Variants in PTP4A3 observed in about 807,000 individuals in gnomAD.
The protein encoded by PTP4A3 is protein tyrosine phosphatase 4A3.
PTP4A3 carries 9 observed loss-of-function variants against 15.2 expected under a neutral mutation model. That is an observed-to-expected ratio of 0.59 (90% CI 0.36 to 1.03). The LOEUF (loss-of-function observed/expected upper bound fraction) is 1.03, where lower values mean the gene tolerates loss of function less well. Among genes scored for constraint, PTP4A3 ranks in the 50% least tolerant of loss-of-function variants. The pLI, the probability that PTP4A3 is intolerant of heterozygous loss-of-function variation, is 0.02. For synonymous variants in PTP4A3, 95 were observed against 102.0 expected (o/e 0.93, Z 0.41); for missense variants, 234 against 252.1 (o/e 0.93, Z 0.49).
At chr8:141,428,881 C>T (rs1358344189) in intron 5 of PTP4A3, among the ~76,000 whole-genome samples, 1 of 152,226 alleles carries the variant, frequency 6.6e-6, no homozygotes, top group Non-Finnish European at 1.5e-5. Flanking sequence ...CACATGGATG[C>T]ACTCAGGCAT....
rs1370999785 is a variant in PTP4A3, at chr8:141,426,792, C to T, written c.199-147C>T. The T allele has an allele frequency of 1.9e-5, 27 of 1,420,100 alleles. 1 individual carries two copies. Among genetic ancestry groups the T allele is most frequent in the Middle Eastern group, 4.5e-4 (2 of 4,424 alleles). 88.0% of individuals were successfully genotyped at this position (1,420,100 alleles called of 1,614,324 possible). On this transcript the variant is annotated intron_variant, in intron 3 of 5. Transcript: ENST00000521578. ...GTGCCCATAGGCAAGCTGTGCCCCT[C>T]CTGTGTGCCCTCTGGGTCTGCTGCC...
Position 141,431,164 on chromosome 8 carries a change from A to G in PTP4A3, c.*120A>G, listed in dbSNP as rs1833857583. The G allele has an allele frequency of 1.1e-6, 1 of 944,414 alleles. No individual in the cohort carries two copies. Among genetic ancestry groups the G allele is most frequent in the South Asian group, 1.5e-5 (1 of 67,934 alleles). 58.5% of individuals were successfully genotyped at this position (944,414 alleles called of 1,614,324 possible). A position where few individuals can be genotyped will look rare whatever the true frequency, so the allele number is the denominator to read the frequency against. ...GGCTCCAGGCCTTGGCTGGCCCCAC[A>G]TCGCCTTTTCCTCCCCGACACCTCC... On this transcript the variant is annotated 3_prime_UTR_variant, in exon 6 of 6. Transcript: ENST00000521578.
intron 1 of PTP4A3, among the ~76,000 whole-genome samples, 154 bp from the exon 2 acceptor site, chr8:141,421,234 G>C (rs1393452660): frequency 6.6e-6 from 1 of 152,238 alleles, no homozygotes; most frequent in East Asian, 1.9e-4. Context: ...TAAGGAAATA[G>C]ACCCAAAAGG....
chr8:141,419,441 G>T (rs1336723110), intron 1 of PTP4A3, among the ~76,000 whole-genome samples: 1 of 152,240 alleles, frequency 6.6e-6, no homozygotes, highest in African/African-American at 2.4e-5. Context: ...CTGTTAGCAC[G>T]TGGTGGCTTC....
intron 1 of PTP4A3, among the ~76,000 whole-genome samples, chr8:141,405,379 A>G (rs934572371): frequency 6.6e-6 from 1 of 152,066 alleles, no homozygotes; most frequent in Non-Finnish European, 1.5e-5. Flanking sequence ...AGGCCCCCCA[A>G]CCTCCGGGTC....
chr8:141,399,007 G>A (rs563303084), intron 1 of PTP4A3, among the ~76,000 whole-genome samples: 265 of 152,148 alleles, frequency 1.7e-3, no homozygotes, highest in Admixed American at 3.3e-3. Flanking sequence ...CGGTGCTCCC[G>A]GCTGCTCTCC....
chr8:141,393,175 C>T (rs1239052528), intron 1 of PTP4A3, among the ~76,000 whole-genome samples: 4 of 152,196 alleles, frequency 2.6e-5, no homozygotes, highest in South Asian at 2.1e-4. Context: ...CCAAGAAGTT[C>T]GTTAACCCCA....
chr8:141,421,636 C>T lies in PTP4A3; in HGVS notation c.-605C>T, dbSNP rs1202344588. ...GTAACGTGACACAGGCCCCACACGTCAGAGGCCGCTGTCCCCACGGCCACT... is the reference window on the plus strand; with the variant it reads ...GTAACGTGACACAGGCCCCACACGTTAGAGGCCGCTGTCCCCACGGCCACT... On this transcript the variant is annotated 5_prime_UTR_variant, in exon 2 of 6. Coordinates refer to ENST00000521578, the MANE Select transcript of PTP4A3 (RefSeq NM_032611.3). 6.5e-6 allele frequency: 1 copy of T among 152,912 alleles called. No homozygotes were observed. The highest frequency in any genetic ancestry group is 6.5e-5 in the Admixed American group (1 of 15,330). 9.5% of individuals were successfully genotyped at this position (152,912 alleles called of 1,614,324 possible).
chr8:141,413,371 G>A (rs148202203), intron 1 of PTP4A3, among the ~76,000 whole-genome samples: 14 of 152,354 alleles, frequency 9.2e-5, no homozygotes, highest in Non-Finnish European at 1.2e-4. Flanking sequence ...GGGTGGCATG[G>A]CACTGGCTAA....
At chr8:141,408,989 C>T (rs1832800038) in intron 1 of PTP4A3, among the ~76,000 whole-genome samples, 1 of 152,214 alleles carries the variant, frequency 6.6e-6, no homozygotes, top group African/African-American at 2.4e-5. Flanking sequence ...TGTCACCACG[C>T]CCTGATGTGT....
At chr8:141,394,416 C>T (rs1280550871) in intron 1 of PTP4A3, among the ~76,000 whole-genome samples, 1 of 152,196 alleles carries the variant, frequency 6.6e-6, no homozygotes, top group African/African-American at 2.4e-5. Context: ...GGCGCTTTCT[C>T]ACCTCGAGAG....
intron 1 of PTP4A3, among the ~76,000 whole-genome samples, chr8:141,416,828 G>C (rs1434861328): frequency 6.6e-6 from 1 of 151,886 alleles, no homozygotes. Context: ...ATGTTTTCTG[G>C]AAGTGTGGGT....
At position 141,431,217 on chromosome 8, in the gene PTP4A3, C is replaced by A. The variant is rs1833860352; in HGVS notation, c.*173C>A. The A allele has an allele frequency of 1.6e-6, 1 of 629,696 alleles. No individual in the cohort carries two copies. The highest frequency in any genetic ancestry group is 1.9e-5 in the South Asian group (1 of 51,292). 39.0% of individuals were successfully genotyped at this position (629,696 alleles called of 1,614,324 possible). A position where few individuals can be genotyped will look rare whatever the true frequency, so the allele number is the denominator to read the frequency against. The stretch of plus-strand genomic sequence containing the variant: ...GCACTTGTGTCCGAGGAGCGAGGAG[C>A]CCCTCGGGCCCTGGGTGGCCTCTGG... On this transcript the variant is annotated 3_prime_UTR_variant, in exon 6 of 6. Coordinates refer to ENST00000521578, the MANE Select transcript of PTP4A3 (RefSeq NM_032611.3).
rs184523530 is a variant in PTP4A3 at position 141,423,184 on chromosome 8, C to T, written c.105+839C>T. Among the ~76,000 whole-genome samples, 4 of 152,300 alleles carry T rather than the reference C, an allele frequency of 2.6e-5. No individual in the cohort carries two copies. The East Asian group carries it at 7.7e-4, about 29-fold the overall frequency. On this transcript the variant is annotated intron_variant, in intron 2 of 5. Coordinates refer to ENST00000521578, the MANE Select transcript of PTP4A3 (RefSeq NM_032611.3). ...TGAAACAGATTTGGGCGTGAGAGGG[C>T]ATTAAGAACTGTAGAGCAGCAGGAG... is the stretch of plus-strand genomic sequence containing the variant.
chr8:141,426,768 T>G, intron 3 of PTP4A3, 171 bp from the exon 4 acceptor site: 1 of 915,928 alleles, frequency 1.1e-6, no homozygotes, highest in Non-Finnish European at 1.3e-6. Context: ...CACCATGGGG[T>G]GCCCATAGGC....
intron 1 of PTP4A3, among the ~76,000 whole-genome samples, chr8:141,407,470 A>G (rs1245015050): frequency 6.6e-6 from 1 of 152,186 alleles, no homozygotes; most frequent in Non-Finnish European, 1.5e-5. Context: ...AGGATAAACG[A>G]AATGTGGCAG....
Position 141,421,946 on chromosome 8 carries a change from C to T in PTP4A3, c.-295C>T, listed in dbSNP as rs186020268. 7.4e-6 allele frequency: 3 copies of T among 405,024 alleles called. No homozygotes were observed. The highest frequency in any genetic ancestry group is 2.1e-5 in the African/African-American group (1 of 47,972). The allele number at this position is 405,024 out of a possible 1,614,324, so 25.1% of individuals were successfully genotyped here. A position where few individuals can be genotyped will look rare whatever the true frequency, so the allele number is the denominator to read the frequency against. On this transcript the variant is annotated 5_prime_UTR_variant, in exon 2 of 6. Coordinates refer to ENST00000521578, the MANE Select transcript of PTP4A3 (RefSeq NM_032611.3). ...TGAGAGACGGGAGTTTGGAGTTGCCCGCTTTACTTTGGTTGGGTTGGGGGG... is the reference window on the plus strand; with the variant it reads ...TGAGAGACGGGAGTTTGGAGTTGCCTGCTTTACTTTGGTTGGGTTGGGGGG...
Position 141,426,430 on chromosome 8 carries a change from A to G in PTP4A3, c.199-509A>G, listed in dbSNP as rs1207897073. ...CCTGTTTCGAGTCCTGCCCTCAGAA[A>G]TGTGGGCCCTGTCTCGCCCCACAGC... On this transcript the variant is annotated intron_variant, in intron 3 of 5. Coordinates refer to ENST00000521578, the MANE Select transcript of PTP4A3 (RefSeq NM_032611.3). 6 of 984,974 alleles carry G rather than the reference A, an allele frequency of 6.1e-6. No homozygotes were observed. In the African/African-American group the frequency reaches 8.7e-5, roughly 14 times the overall value. The allele number at this position is 984,974 out of a possible 1,614,324, so 61.0% of individuals were successfully genotyped here. A position where few individuals can be genotyped will look rare whatever the true frequency, so the allele number is the denominator to read the frequency against.
At chr8:141,397,663 C>A (rs964597526) in intron 1 of PTP4A3, among the ~76,000 whole-genome samples, 1 of 152,222 alleles carries the variant, frequency 6.6e-6, no homozygotes, top group African/African-American at 2.4e-5. Flanking sequence ...GCCTGAGTGC[C>A]TCGGTGGCTG....
Sources: allele counts gnomAD v4.1 joint callset (sites outside exome capture counted in the v4.1 genomes callset), GRCh38; gene constraint gnomAD v4.1.1; transcripts MANE v1.5; gene names NCBI Gene and HGNC (gene_info 2026-07-23, HGNC 2026-07-21).